Variants in ZNF514 observed in about 807,000 individuals in gnomAD.
The protein encoded by ZNF514 is zinc finger protein 514.
Under a neutral mutation model 9.7 loss-of-function variants are expected in ZNF514, and 12 were observed. The ratio of observed to expected loss-of-function variants is 1.24; its 90% CI spans 0.79 to 2.01. The LOEUF (loss-of-function observed/expected upper bound fraction) is 2.01. Ranked by LOEUF, ZNF514 falls within the 30% of genes most tolerant of loss-of-function variation. The pLI is 0.00. For synonymous variants in ZNF514, 158 were observed against 163.7 expected (o/e 0.97, Z 0.27); for missense variants, 467 against 465.5 (o/e 1.00, Z -0.03).
chr2:95,135,765 A>C, the ZNF514 span, among the ~76,000 whole-genome samples: 1 of 151,932 alleles, frequency 6.6e-6, no homozygotes, highest in African/African-American at 2.4e-5. Flanking sequence ...TTCATCACAC[A>C]TGTATAGAAA....
the ZNF514 span, among the ~76,000 whole-genome samples, chr2:95,137,577 C>A: frequency 1.3e-5 from 2 of 152,182 alleles, no homozygotes; most frequent in African/African-American, 4.8e-5. Flanking sequence ...GTCTCAAGAG[C>A]CCTCTGGAAA....
rs1200152774 is a variant in ZNF514 at position 95,159,226 on chromosome 2, G to A, written c.-96+14C>T. 1 of 202,420 alleles carries A rather than the reference G, an allele frequency of 4.9e-6. No individual in the cohort carries two copies. The highest frequency in any genetic ancestry group is 2.4e-5 in the African/African-American group (1 of 41,974). 12.5% of individuals were successfully genotyped at this position (202,420 alleles called of 1,614,324 possible). A position where few individuals can be genotyped will look rare whatever the true frequency, so the allele number is the denominator to read the frequency against. On this transcript the variant is annotated intron_variant, in intron 1 of 4. Coordinates refer to ENST00000295208, the MANE Select transcript of ZNF514 (RefSeq NM_032788.3). Reference sequence around the variant, plus strand: ...CGGGGTCGTGCTCTTCCCTCGCCAAGTCCGGCCTCCTACCCCCGGCTCGGC... The same window carrying A: ...CGGGGTCGTGCTCTTCCCTCGCCAAATCCGGCCTCCTACCCCCGGCTCGGC...
chr2:95,127,390 T>A, the ZNF514 span, among the ~76,000 whole-genome samples: 52 of 152,288 alleles, frequency 3.4e-4, no homozygotes, highest in Middle Eastern at 0.017. Flanking sequence ...TCTCTTTTAT[T>A]TCCAGAAACA....
At chr2:95,159,189 C>T (rs889425595) in intron 1 of ZNF514, 51 bp downstream of exon 1, 3 of 297,858 alleles carry the variant, frequency 1.0e-5, no homozygotes, top group Admixed American at 9.8e-5. Context: ...CCCAGCGCGG[C>T]GCACTGCTGC....
rs1161676827 is a variant in ZNF514, at chr2:95,145,783, T to C, written c.*3499A>G. Among the ~76,000 whole-genome samples the C allele has an allele frequency of 6.6e-6, 1 of 152,238 alleles. No homozygotes were observed. Among genetic ancestry groups the C allele is most frequent in the Non-Finnish European group, 1.5e-5 (1 of 68,042 alleles). ...AAGCTGTAGCCTGACAGCACAATTGTCTCTTCCTCTCACGTACCTTTGCCA... is the reference window on the plus strand; with the variant it reads ...AAGCTGTAGCCTGACAGCACAATTGCCTCTTCCTCTCACGTACCTTTGCCA... On this transcript the variant is annotated 3_prime_UTR_variant, in exon 5 of 5. Transcript: ENST00000295208.
In ZNF514 at chr2:95,150,154, A is replaced by G. The variant is rs1321598853; in HGVS notation, c.331T>C (p.Ser111Pro). Residue 111 changes from serine to proline, a missense_variant, in exon 5 of 5, where the codon TCG (serine) becomes CCG (proline). Physicochemically the swap from Ser to Pro is moderately conservative, Grantham distance 74. Coordinates refer to ENST00000295208, the MANE Select transcript of ZNF514 (RefSeq NM_032788.3). ...CAACCGCAGGCTGCTTTCAACTTCG[A>G]GAACTGCAGCACATCTTGAATGTGT... ...EKHIQDVLQFSKLKAACGCDG... is the reference protein window; with the variant it reads ...EKHIQDVLQFPKLKAACGCDG... 1.2e-5 allele frequency: 20 copies of G among 1,610,932 alleles called. No individual in the cohort carries two copies. The highest frequency in any genetic ancestry group is 1.5e-5 in the Non-Finnish European group (18 of 1,180,004).
At chr2:95,157,128 G>A (rs1339738029) in intron 2 of ZNF514, among the ~76,000 whole-genome samples, 1 of 152,148 alleles carries the variant, frequency 6.6e-6, no homozygotes. Context: ...GCCCTTTCTA[G>A]AAATATGTCA....
chr2:95,150,953 C>T (rs1456360669), intron 4 of ZNF514, among the ~76,000 whole-genome samples: 4 of 152,226 alleles, frequency 2.6e-5, no homozygotes, highest in African/African-American at 9.6e-5. Flanking sequence ...TTCTTTAAGA[C>T]TTTGCGTACC....
downstream of ZNF514, among the ~76,000 whole-genome samples, chr2:95,142,377 T>C (rs149523876): frequency 1.9e-4 from 29 of 152,334 alleles, no homozygotes; most frequent in East Asian, 4.4e-3. Flanking sequence ...TATGATAGTA[T>C]ATTGATCTGA....
chr2:95,141,599 C>A (rs559304732), downstream of ZNF514, among the ~76,000 whole-genome samples: 4 of 152,344 alleles, frequency 2.6e-5, no homozygotes, highest in African/African-American at 9.6e-5. Flanking sequence ...CACCTTCCCG[C>A]ATCTTCCTAA....
chr2:95,152,505 TCTC>T (rs764327739), intron 4 of ZNF514, among the ~76,000 whole-genome samples, 166 bp downstream of exon 4: 12 of 152,068 alleles, frequency 7.9e-5, no homozygotes, highest in Non-Finnish European at 1.5e-4. Context: ...CAAAGGAACA[TCTC>T]CTCTCCTGAC....
At chr2:95,155,481 T>C (rs1015861097) in intron 2 of ZNF514, 1 of 152,234 alleles carries the variant, frequency 6.6e-6, no homozygotes, top group Admixed American at 6.5e-5. Flanking sequence ...TCATTGTATA[T>C]TGGATATATG....
chr2:95,131,911 G>T, the ZNF514 span, among the ~76,000 whole-genome samples: 1 of 152,142 alleles, frequency 6.6e-6, no homozygotes, highest in African/African-American at 2.4e-5. Context: ...GGGAGGCCGA[G>T]GAGGGTGGAT....
chr2:95,130,864 A>G, the ZNF514 span, among the ~76,000 whole-genome samples: 1 of 152,228 alleles, frequency 6.6e-6, no homozygotes. Flanking sequence ...TTAAGAGATT[A>G]AAGTAAAGAC....
Position 95,149,547 on chromosome 2 carries a change from T to C in ZNF514, c.938A>G (p.Glu313Gly). 6.2e-7 allele frequency: 1 copy of C among 1,614,088 alleles called. No individual in the cohort carries two copies. The highest frequency in any genetic ancestry group is 8.5e-7 in the Non-Finnish European group (1 of 1,179,990). ...LIKHQRTHTG[E>G]KPYECRECGR... ...ACATTCCCGGCATTCATAGGGCTTT[T>C]CTCCAGTATGAGTCCTCTGATGCTT... Residue 313 changes from glutamate (E) to glycine (G), a missense_variant, in exon 5 of 5, where the codon GAA (glutamate) becomes GGA (glycine). By Grantham distance (98) the Glu-to-Gly change is moderately conservative. Transcript: ENST00000295208.
At chr2:95,138,933 G>T in the ZNF514 span, among the ~76,000 whole-genome samples, 8 of 152,370 alleles carry the variant, frequency 5.3e-5, no homozygotes, top group East Asian at 1.2e-3. Flanking sequence ...CCATGGCCAT[G>T]CTGCCCTGCA....
chr2:95,139,399 C>T, the ZNF514 span, among the ~76,000 whole-genome samples: 6 of 152,186 alleles, frequency 3.9e-5, no homozygotes, highest in Non-Finnish European at 5.9e-5. Flanking sequence ...TGGGAGCCCA[C>T]CCCTTGCAGC....
chr2:95,153,317 A>G, intron 2 of ZNF514, 58 bp from the exon 3 acceptor site: 2 of 1,546,220 alleles, frequency 1.3e-6, no homozygotes, highest in Non-Finnish European at 1.8e-6. Flanking sequence ...TGAAACTGCT[A>G]GGAAATATAA....
the ZNF514 span, among the ~76,000 whole-genome samples, chr2:95,126,106 C>T: frequency 3.3e-5 from 5 of 152,074 alleles, no homozygotes; most frequent in African/African-American, 9.7e-5. Flanking sequence ...CATGGTGGCT[C>T]ACGCCTGTAA....
Sources: allele counts gnomAD v4.1 joint callset (sites outside exome capture counted in the v4.1 genomes callset), GRCh38; gene constraint gnomAD v4.1.1; transcripts MANE v1.5; gene names NCBI Gene and HGNC (gene_info 2026-07-23, HGNC 2026-07-21).